Variants in SLC6A4 observed in about 807,000 individuals in gnomAD.
The protein encoded by SLC6A4 is solute carrier family 6 member 4, also known as sodium-dependent serotonin transporter.
A neutral mutation model predicts 73.4 loss-of-function variants in SLC6A4; 22 were observed. The ratio of observed to expected loss-of-function variants is 0.30; its 90% CI spans 0.21 to 0.43. The LOEUF is 0.43. Among genes scored for constraint, SLC6A4 ranks in the 20% least tolerant of loss-of-function variants. The pLI, the probability that SLC6A4 is intolerant of heterozygous loss-of-function variation, is 1.00. For synonymous variants in SLC6A4, 270 were observed against 315.5 expected (o/e 0.86, Z 1.53); for missense variants, 593 against 808.5 (o/e 0.73, Z 3.23).
chr17:30,222,906 T>G lies in SLC6A4; in HGVS notation c.-211A>C. 3 of 1,156,562 alleles carry G rather than the reference T, an allele frequency of 2.6e-6. No individual in the cohort carries two copies. Among genetic ancestry groups the G allele is most frequent in the Non-Finnish European group, 3.5e-6 (3 of 855,180 alleles). 71.6% of individuals were successfully genotyped at this position (1,156,562 alleles called of 1,614,324 possible). On this transcript the variant is annotated 5_prime_UTR_variant, in exon 2 of 15. Coordinates refer to ENST00000650711, the MANE Select transcript of SLC6A4 (RefSeq NM_001045.6). The stretch of plus-strand genomic sequence containing the variant: ...AGAGGGCAAGCAAGGTCGCCTTGCC[T>G]CCAGGAGACCTAGGGAGAAGAGTGT...
At chr17:30,226,741 G>A (rs1906935860) in intron 1 of SLC6A4, among the ~76,000 whole-genome samples, 1 of 151,782 alleles carries the variant, frequency 6.6e-6, no homozygotes, top group Admixed American at 6.6e-5. Flanking sequence ...AATGAGCCGG[G>A]CGTGGTGGTG....
intron 14 of SLC6A4, among the ~76,000 whole-genome samples, chr17:30,200,962 A>C (rs948602389): frequency 1.3e-5 from 2 of 152,000 alleles, no homozygotes; most frequent in African/African-American, 4.8e-5. Flanking sequence ...TTGCATTTTT[A>C]GTAGAGACGG....
At chr17:30,222,945 G>C in intron 1 of SLC6A4, 30 bp from the exon 2 acceptor site, 1 of 821,492 alleles carries the variant, frequency 1.2e-6, no homozygotes, top group South Asian at 1.4e-5. Flanking sequence ...GGTTACTGAT[G>C]CTGGGGTGGT....
rs1240863255 is a variant in SLC6A4 at position 30,215,664 on chromosome 17, A to G, written c.1023T>C (p.Phe341=). 1.2e-6 allele frequency: 2 copies of G among 1,614,134 alleles called. No individual in the cohort carries two copies. Residue 341 remains phenylalanine, a synonymous_variant, in exon 8 of 15, where the codon TTT becomes TTC. Coordinates refer to ENST00000650711, the MANE Select transcript of SLC6A4 (RefSeq NM_001045.6). ...AGCTAGCAAAAGCCAGCAGGACCCC[A>G]AAGCCCGGACCAAGAGAGAAGAAGA... ...AQIFFSLGPG[F]GVLLAFASYN...
chr17:30,229,902 A>C (rs977515726), intron 1 of SLC6A4, among the ~76,000 whole-genome samples: 1 of 151,952 alleles, frequency 6.6e-6, no homozygotes, highest in African/African-American at 2.4e-5. Context: ...TGCCTGTAAT[A>C]CCAGCCTTTT....
intron 12 of SLC6A4, 54 bp from the exon 13 acceptor site, chr17:30,207,886 G>T: frequency 7.6e-7 from 1 of 1,307,970 alleles, no homozygotes; most frequent in Non-Finnish European, 1.1e-6. Flanking sequence ...CATGGGCTGT[G>T]CTGCTGTGCC....
At chr17:30,219,640 G>C (rs1405051888) in intron 3 of SLC6A4, among the ~76,000 whole-genome samples, 1 of 152,208 alleles carries the variant, frequency 6.6e-6, no homozygotes, top group African/African-American at 2.4e-5. Context: ...GGACAGGGTA[G>C]TTTTTCACAG....
chr17:30,205,549 G>A (rs1906166177), intron 13 of SLC6A4, among the ~76,000 whole-genome samples: 1 of 152,120 alleles, frequency 6.6e-6, no homozygotes, highest in African/African-American at 2.4e-5. Flanking sequence ...TAAAACTTCT[G>A]GATTTAAAAA....
Position 30,203,419 on chromosome 17 carries a change from CA to C in SLC6A4, c.1651-81del. The C allele has an allele frequency of 3.4e-6, 4 of 1,174,432 alleles. No homozygotes were observed. The East Asian group carries it at 9.3e-5, about 27-fold the overall frequency. The allele number at this position is 1,174,432 out of a possible 1,614,324, so 72.8% of individuals were successfully genotyped here. A position where few individuals can be genotyped will look rare whatever the true frequency, so the allele number is the denominator to read the frequency against. ...GAGATGTTTCCGATACCACAAACACCAAATGCTAAAGCTAAGATACTTTCAG... is the reference window on the plus strand; with the variant it reads ...GAGATGTTTCCGATACCACAAACACCAATGCTAAAGCTAAGATACTTTCAG... On this transcript the variant is annotated intron_variant, in intron 13 of 14. Transcript: ENST00000650711.
At chr17:30,206,045 G>A (rs1171045947) in intron 13 of SLC6A4, 1 of 152,080 alleles carries the variant, frequency 6.6e-6, no homozygotes, top group African/African-American at 2.4e-5. Flanking sequence ...CTGACCTCAA[G>A]GGATCCACCT....
chr17:30,219,003 G>T, intron 3 of SLC6A4, 72 bp from the exon 4 acceptor site: 1 of 1,573,638 alleles, frequency 6.4e-7, no homozygotes, highest in Non-Finnish European at 8.7e-7. Context: ...ATCTGTGACT[G>T]AGAATCACAG....
At chr17:30,198,705 C>A (rs1905940286) in intron 14 of SLC6A4, among the ~76,000 whole-genome samples, 175 bp from the exon 15 acceptor site, 1 of 152,110 alleles carries the variant, frequency 6.6e-6, no homozygotes, top group African/African-American at 2.4e-5. Context: ...TATGTATTCT[C>A]AAATATGAAT....
At chr17:30,230,095 A>AGAAGAAGAAGAAGAAGAG (rs1288713816) in intron 1 of SLC6A4, among the ~76,000 whole-genome samples, 7 of 118,226 alleles carry the variant, frequency 5.9e-5, no homozygotes, top group Non-Finnish European at 1.2e-4. Flanking sequence ...AAGAAGAAGA[A>AGAAGAAGAAGAAGAAGAG]GAGGAGGAAG....
intron 14 of SLC6A4, 61 bp from the exon 15 acceptor site, chr17:30,198,591 A>C (rs898647165): frequency 4.8e-5 from 44 of 913,276 alleles, no homozygotes; most frequent in Non-Finnish European, 1.8e-6. Flanking sequence ...TTGCAAAAAT[A>C]GTCAACATTA....
In SLC6A4 at chr17:30,222,880, G is replaced by T. The variant is rs6354; in HGVS notation, c.-185C>A. ...GGCTAAGCCCCTTGTTATTCTGCAA[G>T]AGAGGGCAAGCAAGGTCGCCTTGCC... On this transcript the variant is annotated 5_prime_UTR_variant, in exon 2 of 15. Transcript: ENST00000650711. The T allele has an allele frequency of 0.81, 1,046,618 of 1,299,148 alleles. 422,562 individuals are homozygous for T. Among genetic ancestry groups the T allele is most frequent in the East Asian group, 0.88 (15,966 of 18,144 alleles). 80.5% of individuals were successfully genotyped at this position (1,299,148 alleles called of 1,614,324 possible).
chr17:30,230,142 AGG>A lies in SLC6A4; in HGVS notation c.-221+5469_-221+5470del, dbSNP rs1210710421. Among the ~76,000 whole-genome samples, 195 of 152,072 alleles carry A rather than the reference AGG, an allele frequency of 1.3e-3. 2 individuals are homozygous for A. Among genetic ancestry groups the A allele is most frequent in the Non-Finnish European group, 2.3e-3 (155 of 67,954 alleles). On this transcript the variant is annotated intron_variant, in intron 1 of 14. Coordinates refer to ENST00000650711, the MANE Select transcript of SLC6A4 (RefSeq NM_001045.6). ...GAGGAAGAGGAGGAGGAGGAGGAGG[AGG>A]AGGAGGAAGAGGAAGAGGAAGAAGA...
At chr17:30,229,304 T>A (rs1012798017) in intron 1 of SLC6A4, among the ~76,000 whole-genome samples, 7 of 152,246 alleles carry the variant, frequency 4.6e-5, no homozygotes, top group African/African-American at 1.4e-4. Flanking sequence ...TTAGAATATA[T>A]TTCCTAACCC....
Position 30,206,781 on chromosome 17 carries a change from C to T in SLC6A4, c.1650+951G>A, listed in dbSNP as rs113633089. Among the ~76,000 whole-genome samples the T allele has an allele frequency of 7.8e-3, 1,032 of 132,374 alleles. 10 individuals carry two copies. The highest frequency in any genetic ancestry group is 0.028 in the African/African-American group (954 of 34,326). 86.8% of individuals were successfully genotyped at this position (132,374 alleles called of 152,430 possible). On this transcript the variant is annotated intron_variant, in intron 13 of 14. Transcript: ENST00000650711. Reference sequence around the variant, plus strand: ...TCGCCCAGGCTGGAGTGCAATGGCGCGATCTCAGCTCACTGCAACCTCCGC... The same window carrying T: ...TCGCCCAGGCTGGAGTGCAATGGCGTGATCTCAGCTCACTGCAACCTCCGC...
Position 30,214,315 on chromosome 17 carries a change from G to A in SLC6A4, c.1076+1296C>T, listed in dbSNP as rs561241837. On this transcript the variant is annotated intron_variant, in intron 8 of 14. Coordinates refer to ENST00000650711, the MANE Select transcript of SLC6A4 (RefSeq NM_001045.6). ...CGCATGCCTGTCATCCCAGCTACTCGGGAGGCTGAGGCAGGAGAATCGCTT... is the reference window on the plus strand; with the variant it reads ...CGCATGCCTGTCATCCCAGCTACTCAGGAGGCTGAGGCAGGAGAATCGCTT... 1.5e-4 allele frequency among the ~76,000 whole-genome samples: 22 copies of A among 150,998 alleles called. No individual in the cohort carries two copies. In the South Asian group the frequency reaches 3.8e-3, roughly 26 times the overall value.
Sources: allele counts gnomAD v4.1 joint callset (sites outside exome capture counted in the v4.1 genomes callset), GRCh38; gene constraint gnomAD v4.1.1; transcripts MANE v1.5; gene names NCBI Gene and HGNC (gene_info 2026-07-23, HGNC 2026-07-21).